KPNA6: variants seen among roughly 807,000 people sequenced by gnomAD.
The protein encoded by KPNA6 is karyopherin subunit alpha 6.
Under a neutral mutation model 72.0 loss-of-function variants are expected in KPNA6, and 9 were observed. The ratio of observed to expected loss-of-function variants is 0.13; its 90% CI spans 0.08 to 0.22. The LOEUF (loss-of-function observed/expected upper bound fraction) is 0.22. Ranked by LOEUF, KPNA6 falls within the 10% of genes least tolerant of loss-of-function variation. The pLI is 1.00. For synonymous variants in KPNA6, 219 were observed against 242.1 expected (o/e 0.90, Z 0.89); for missense variants, 374 against 655.7 (o/e 0.57, Z 4.69).
At position 32,166,892 on chromosome 1, in the gene KPNA6, C is replaced by T. The variant is rs932764040; in HGVS notation, c.1117-277C>T. ...GGTGGAGCTTGCAGTGAGCCGAGATCGCGCCACTGCACTCCAGCCTGGGTG... is the reference window on the plus strand; with the variant it reads ...GGTGGAGCTTGCAGTGAGCCGAGATTGCGCCACTGCACTCCAGCCTGGGTG... On this transcript the variant is annotated intron_variant, in intron 11 of 13. Transcript: ENST00000373625. Among the ~76,000 whole-genome samples the T allele has an allele frequency of 3.3e-5, 5 of 151,932 alleles. No homozygotes were observed. The East Asian group carries it at 5.8e-4, about 18-fold the overall frequency.
intron 9 of KPNA6, 79 bp from the exon 10 acceptor site, chr1:32,163,156 A>G: frequency 2.2e-6 from 2 of 900,448 alleles, no homozygotes; most frequent in Non-Finnish European, 3.7e-6. Flanking sequence ...AAGCTTCTCC[A>G]GGCTCAGACT....
At chr1:32,120,096 A>G (rs1198229493) in intron 1 of KPNA6, among the ~76,000 whole-genome samples, 1 of 152,140 alleles carries the variant, frequency 6.6e-6, no homozygotes. Flanking sequence ...CAAAATCTGA[A>G]AACATTAACA....
chr1:32,167,965 A>C (rs72666770), intron 12 of KPNA6, among the ~76,000 whole-genome samples: 11,163 of 152,224 alleles, frequency 0.073, 686 homozygotes, highest in South Asian at 0.25. Context: ...CAGGAGTTCA[A>C]GACTAGCCTG....
chr1:32,154,454 GC>G, intron 1 of KPNA6, 133 bp from the exon 2 acceptor site: 1 of 800,520 alleles, frequency 1.2e-6, no homozygotes, highest in Admixed American at 2.8e-5. Flanking sequence ...GATGTCAGGT[GC>G]TATTGAGAGC....
chr1:32,145,924 T>C (rs1443853747), intron 1 of KPNA6, among the ~76,000 whole-genome samples: 4 of 152,222 alleles, frequency 2.6e-5, no homozygotes, highest in Admixed American at 6.6e-5. Flanking sequence ...TTTCTAGTTA[T>C]CATTCTGTTA....
intron 12 of KPNA6, 33 bp downstream of exon 12, chr1:32,167,329 T>C: frequency 6.2e-7 from 1 of 1,613,138 alleles, no homozygotes; most frequent in African/African-American, 1.3e-5. Flanking sequence ...TCTTGAATGA[T>C]AATGGATGCT....
At position 32,160,667 on chromosome 1, in the gene KPNA6, A is replaced by G; in HGVS notation, c.611A>G (p.Tyr204Cys). ...IAGDSSVCRD[Y>C]VLNCSILNPL... ...GGAGATAGCTCTGTTTGCCGAGATTACGTCTTGAACTGTTCCATCCTTAAT... is the reference window on the plus strand; with the variant it reads ...GGAGATAGCTCTGTTTGCCGAGATTGCGTCTTGAACTGTTCCATCCTTAAT... Residue 204 changes from tyrosine (Y) to cysteine (C), a missense_variant, in exon 7 of 14, where the codon TAC becomes TGC. Physicochemically the swap from Tyr to Cys is radical, Grantham distance 194. This residue lies in a region of KPNA6 where 298 missense variants were observed against 495.4 expected (regional missense o/e 0.60). Coordinates refer to ENST00000373625, the MANE Select transcript of KPNA6 (RefSeq NM_012316.5). The G allele has an allele frequency of 6.2e-7, 1 of 1,614,062 alleles. No homozygotes were observed. The highest frequency in any genetic ancestry group is 8.5e-7 in the Non-Finnish European group (1 of 1,179,922).
At chr1:32,134,094 T>A (rs1016704974) in intron 1 of KPNA6, among the ~76,000 whole-genome samples, 6 of 147,852 alleles carry the variant, frequency 4.1e-5, no homozygotes, top group African/African-American at 1.5e-4. Flanking sequence ...AATACAAAAT[T>A]TTTTTTTTTT....
At chr1:32,125,937 G>A (rs1456637146) in intron 1 of KPNA6, among the ~76,000 whole-genome samples, 2 of 142,382 alleles carry the variant, frequency 1.4e-5, no homozygotes, top group Non-Finnish European at 3.0e-5. Context: ...CTCATGTGAG[G>A]TTCAGATTTT....
intron 11 of KPNA6, among the ~76,000 whole-genome samples, chr1:32,166,756 T>C (rs369487972): frequency 6.9e-6 from 1 of 144,274 alleles, no homozygotes; most frequent in East Asian, 2.1e-4. Flanking sequence ...GGTGAAACCA[T>C]GTCTCTTCTA....
chr1:32,148,024 G>A (rs1321130805), intron 1 of KPNA6, among the ~76,000 whole-genome samples: 2 of 152,138 alleles, frequency 1.3e-5, no homozygotes, highest in African/African-American at 4.8e-5. Flanking sequence ...ATCTTTGTAT[G>A]TGATAAGTCA....
At chr1:32,112,611 G>A (rs1163773138) in intron 1 of KPNA6, among the ~76,000 whole-genome samples, 2 of 152,054 alleles carry the variant, frequency 1.3e-5, no homozygotes, top group Non-Finnish European at 2.9e-5. Context: ...TCCTGCCTCA[G>A]CCTCCTGAGT....
rs1483887854 is a variant in KPNA6 at position 32,161,989 on chromosome 1, A to G, written c.690A>G (p.Ala230=). The G allele has an allele frequency of 8.7e-6, 14 of 1,614,142 alleles. No homozygotes were observed. Among genetic ancestry groups the G allele is most frequent in the Non-Finnish European group, 1.2e-5 (14 of 1,180,010 alleles). Residue 230 remains alanine, a synonymous_variant, in exon 8 of 14, where the codon GCA becomes GCG. Transcript: ENST00000373625. ...CACGACTGACGATGACACGGAATGC[A>G]GTCTGGGCCCTGTCAAATCTCTGCC... is the stretch of plus-strand genomic sequence containing the variant. ...KSTRLTMTRN[A]VWALSNLCRG...
intron 1 of KPNA6, among the ~76,000 whole-genome samples, chr1:32,140,646 G>A (rs1189409768): frequency 1.3e-5 from 2 of 152,146 alleles, no homozygotes; most frequent in Non-Finnish European, 2.9e-5. Context: ...GGCTATTCTT[G>A]AGAACTGAGA....
chr1:32,170,902 C>A lies in KPNA6; in HGVS notation c.*8C>A. 7 of 1,613,430 alleles carry A rather than the reference C, an allele frequency of 4.3e-6. No individual in the cohort carries two copies. The highest frequency in any genetic ancestry group is 5.9e-6 in the Non-Finnish European group (7 of 1,179,448). ...GAGGGCTTCCAGCTATAATATCTGC[C>A]TCCAGGGAGGGGAGGGGATGGGAAG... is the stretch of plus-strand genomic sequence containing the variant. On this transcript the variant is annotated 3_prime_UTR_variant, in exon 14 of 14. Coordinates refer to ENST00000373625, the MANE Select transcript of KPNA6 (RefSeq NM_012316.5).
intron 1 of KPNA6, among the ~76,000 whole-genome samples, chr1:32,148,959 C>T (rs1325411188): frequency 1.3e-5 from 2 of 152,098 alleles, no homozygotes; most frequent in East Asian, 1.9e-4. Context: ...TCCAAAATTG[C>T]TGGGATTACA....
rs1491304508 is a variant in KPNA6, at chr1:32,128,426, T to TATACAC, written c.4+20293_4+20294insTACACA. On this transcript the variant is annotated intron_variant, in intron 1 of 13. Transcript: ENST00000373625. ...ATATATATATATATATATATATATATACACACACACACACATATATATATA... is the reference window on the plus strand; with the variant it reads ...ATATATATATATATATATATATATATATACACACACACACACACACATATATATATA... 2.6e-4 allele frequency among the ~76,000 whole-genome samples: 26 copies of TATACAC among 99,158 alleles called. No individual in the cohort carries two copies. The South Asian group carries it at 2.6e-3, about 10-fold the overall frequency. The allele number at this position is 99,158 out of a possible 152,430, so 65.1% of individuals were successfully genotyped here.
chr1:32,123,217 T>G (rs1401132065), intron 1 of KPNA6, among the ~76,000 whole-genome samples: 1 of 152,140 alleles, frequency 6.6e-6, no homozygotes, highest in African/African-American at 2.4e-5. Flanking sequence ...TGAAAAACTT[T>G]GAAGGTATTG....
chr1:32,170,181 T>A (rs1218289905), intron 13 of KPNA6, 121 bp downstream of exon 13: 2 of 835,076 alleles, frequency 2.4e-6, no homozygotes, highest in African/African-American at 1.7e-5. Context: ...ATGAGACTGA[T>A]GTCTGTGTCT....
Sources: allele counts gnomAD v4.1 joint callset (sites outside exome capture counted in the v4.1 genomes callset), GRCh38; gene constraint gnomAD v4.1.1; regional missense constraint gnomAD v4.1.1; transcripts MANE v1.5; gene names NCBI Gene and HGNC (gene_info 2026-07-23, HGNC 2026-07-21).